The following RIMS2 variants were observed in gnomAD, a reference collection of about 807,000 sequenced individuals.
RIMS2 encodes the protein regulating synaptic membrane exocytosis 2.
In RIMS2, 59 loss-of-function variants were observed where a neutral mutation model predicts 174.4. The ratio of observed to expected loss-of-function variants is 0.34; its 90% CI spans 0.27 to 0.42. The LOEUF is 0.42. Among genes scored for constraint, RIMS2 ranks in the 10% least tolerant of loss-of-function variants. The pLI is 1.00. For missense variants in RIMS2, 1,620 were observed against 1,666.3 expected, an observed-to-expected ratio of 0.97 and a Z score of 0.48; for synonymous variants, 606 against 572.5, an observed-to-expected ratio of 1.06 and a Z score of -0.84.
chr8:104,216,211 C>T (rs926812474), intron 19 of RIMS2, among the ~76,000 whole-genome samples: 9 of 152,132 alleles, frequency 5.9e-5, no homozygotes, highest in Non-Finnish European at 1.3e-4. Context: ...TAAAGATTTA[C>T]ATAAATACGC....
At chr8:104,197,176 G>GTTT (rs2099028915) in intron 19 of RIMS2, among the ~76,000 whole-genome samples, 1 of 135,914 alleles carries the variant, frequency 7.4e-6, no homozygotes, top group African/African-American at 2.8e-5. Flanking sequence ...TTAAACATAA[G>GTTT]CTTTTTTTTT....
At chr8:103,812,437 C>T (rs183431926) in intron 3 of RIMS2, among the ~76,000 whole-genome samples, 73 of 149,684 alleles carry the variant, frequency 4.9e-4, no homozygotes, top group Non-Finnish European at 8.3e-4. Context: ...GTGCAATCCC[C>T]GCACACTGTG....
intron 15 of RIMS2, among the ~76,000 whole-genome samples, chr8:103,970,842 C>T (rs756029669): frequency 3.3e-5 from 5 of 152,192 alleles, no homozygotes; most frequent in Non-Finnish European, 7.3e-5. Context: ...TTACAAGCTC[C>T]TTACAAACAG....
intron 1 of RIMS2, among the ~76,000 whole-genome samples, chr8:103,625,696 TA>T (rs2095764578): frequency 6.6e-6 from 1 of 152,124 alleles, no homozygotes; most frequent in African/African-American, 2.4e-5. Context: ...GAGTGAAAAT[TA>T]TGTTAATTCA....
Position 104,103,510 on chromosome 8 carries a change from G to A in RIMS2, c.3334+88895G>A, listed in dbSNP as rs1419374328. On this transcript the variant is annotated intron_variant, in intron 19 of 23. Coordinates refer to ENST00000504942, the Ensembl canonical transcript of RIMS2. ...GGTGATAATATGCAAACAATATTTT[G>A]TTTAGGGTTTAGTTTGTCAAGCATA... Among the ~76,000 whole-genome samples the A allele has an allele frequency of 2.0e-5, 3 of 152,120 alleles. No homozygotes were observed. The East Asian group carries it at 5.8e-4, about 29-fold the overall frequency.
chr8:103,998,812 A>G (rs562624962), intron 17 of RIMS2, among the ~76,000 whole-genome samples: 3 of 151,866 alleles, frequency 2.0e-5, no homozygotes, highest in Admixed American at 6.6e-5. Flanking sequence ...CTACCCTACC[A>G]CCATTTCTCT....
intron 19 of RIMS2, among the ~76,000 whole-genome samples, chr8:104,095,267 T>G (rs894280046): frequency 2.0e-4 from 30 of 152,320 alleles, no homozygotes; most frequent in African/African-American, 4.8e-5. Flanking sequence ...TTCCCTTGCT[T>G]CTTCTTAGTT....
At position 103,697,073 on chromosome 8, in the gene RIMS2, A is replaced by G. The variant is rs1266836869; in HGVS notation, c.177-13A>G. On this transcript the variant is annotated splice_polypyrimidine_tract_variant and intron_variant, in intron 1 of 23. Coordinates refer to ENST00000504942, the Ensembl canonical transcript of RIMS2. ...AGGAAACCAACTTTTTTTCTTATCTATTTTCTCTGCAGAAAACTGCATCAG... is the reference window on the plus strand; with the variant it reads ...AGGAAACCAACTTTTTTTCTTATCTGTTTTCTCTGCAGAAAACTGCATCAG... The G allele has an allele frequency of 3.1e-6, 5 of 1,597,836 alleles. No individual in the cohort carries two copies. Among genetic ancestry groups the G allele is most frequent in the Non-Finnish European group, 4.3e-6 (5 of 1,166,066 alleles).
chr8:103,828,226 T>A (rs942662235), intron 3 of RIMS2, among the ~76,000 whole-genome samples: 4 of 152,202 alleles, frequency 2.6e-5, no homozygotes, highest in Admixed American at 6.5e-5. Flanking sequence ...TGGCATTTAC[T>A]TTTTCTCTAT....
At chr8:103,581,464 G>A (rs576467203) in intron 1 of RIMS2, among the ~76,000 whole-genome samples, 1 of 152,140 alleles carries the variant, frequency 6.6e-6, no homozygotes, top group East Asian at 1.9e-4. Context: ...GAATGTAGAA[G>A]GAACATAACT....
intron 19 of RIMS2, among the ~76,000 whole-genome samples, chr8:104,062,343 G>A (rs1321658418): frequency 1.3e-5 from 2 of 152,152 alleles, no homozygotes; most frequent in Admixed American, 1.3e-4. Context: ...GGCAGAGTTT[G>A]CGGTGAGCCG....
chr8:103,907,890 C>G (rs1178551007), intron 4 of RIMS2, among the ~76,000 whole-genome samples: 1 of 151,448 alleles, frequency 6.6e-6, no homozygotes, highest in Non-Finnish European at 1.5e-5. Flanking sequence ...GGACTACATG[C>G]ACCCGCCACC....
intron 1 of RIMS2, among the ~76,000 whole-genome samples, chr8:103,654,874 G>C (rs1348298719): frequency 6.6e-6 from 1 of 151,754 alleles, no homozygotes; most frequent in East Asian, 1.9e-4. Flanking sequence ...TACTTTCATA[G>C]TAGAATAACG....
At chr8:103,655,916 A>G (rs2096525709) in intron 1 of RIMS2, among the ~76,000 whole-genome samples, 1 of 152,152 alleles carries the variant, frequency 6.6e-6, no homozygotes, top group African/African-American at 2.4e-5. Context: ...TGGGAGTGAC[A>G]TGATTTACTT....
At chr8:104,134,205 C>T (rs1407384167) in intron 19 of RIMS2, among the ~76,000 whole-genome samples, 2 of 152,150 alleles carry the variant, frequency 1.3e-5, no homozygotes, top group South Asian at 2.1e-4. Context: ...TGGCTCACGC[C>T]TGTAATTCCA....
chr8:104,226,485 T>C (rs749359372), intron 19 of RIMS2, among the ~76,000 whole-genome samples: 1 of 152,188 alleles, frequency 6.6e-6, no homozygotes, highest in African/African-American at 2.4e-5. Context: ...AAATATTTAT[T>C]GGGGGTATTT....
At chr8:103,694,257 ATGCT>A (rs1301280942) in intron 1 of RIMS2, among the ~76,000 whole-genome samples, 1 of 152,110 alleles carries the variant, frequency 6.6e-6, no homozygotes, top group African/African-American at 2.4e-5. Context: ...TGTTGGGCTG[ATGCT>A]TGCAGTAGTA....
chr8:104,089,352 A>G (rs958039394), intron 19 of RIMS2, among the ~76,000 whole-genome samples: 1 of 151,900 alleles, frequency 6.6e-6, no homozygotes, highest in Non-Finnish European at 1.5e-5. Flanking sequence ...GTTGAAGTAT[A>G]TAACTTTTGT....
At chr8:104,035,067 G>A (rs2096486664) in intron 19 of RIMS2, among the ~76,000 whole-genome samples, 1 of 151,930 alleles carries the variant, frequency 6.6e-6, no homozygotes, top group Non-Finnish European at 1.5e-5. Flanking sequence ...AACTAATCTT[G>A]GACTTATATA....
Sources: allele counts gnomAD v4.1 joint callset (sites outside exome capture counted in the v4.1 genomes callset), GRCh38; gene constraint gnomAD v4.1.1; transcripts MANE v1.5; gene names NCBI Gene and HGNC (gene_info 2026-07-23, HGNC 2026-07-21).